GRIN2B: variants seen among roughly 807,000 people sequenced by gnomAD.
The protein encoded by GRIN2B is glutamate receptor ionotropic, NMDA 2B.
Under a neutral mutation model 114.5 loss-of-function variants are expected in GRIN2B, and 5 were observed. The ratio of observed to expected loss-of-function variants is 0.04; its 90% CI spans 0.02 to 0.09. GRIN2B has a LOEUF of 0.09. Ranked by LOEUF, GRIN2B falls within the 10% of genes least tolerant of loss-of-function variation. The pLI is 1.00. For synonymous variants in GRIN2B, 787 were observed against 745.1 expected, an observed-to-expected ratio of 1.06 and a Z score of -0.92; for missense variants, 1,108 against 1,943.5, an observed-to-expected ratio of 0.57 and a Z score of 8.08.
chr12:13,884,710 T>G (rs1866126264), intron 2 of GRIN2B, among the ~76,000 whole-genome samples: 1 of 152,192 alleles, frequency 6.6e-6, no homozygotes, highest in South Asian at 2.1e-4. Context: ...TTTTCAGCAT[T>G]AAATAGGATA....
chr12:13,643,283 T>TA (rs1050366247), intron 5 of GRIN2B, among the ~76,000 whole-genome samples: 44 of 152,254 alleles, frequency 2.9e-4, no homozygotes, highest in African/African-American at 9.4e-4. Flanking sequence ...AGTATTATGA[T>TA]AAAAAAGTCA....
chr12:13,684,932 A>G (rs557533946), intron 4 of GRIN2B, among the ~76,000 whole-genome samples: 1 of 152,276 alleles, frequency 6.6e-6, no homozygotes, highest in Admixed American at 6.5e-5. Context: ...TGGAAAAACT[A>G]TTCAGGGGCT....
In GRIN2B at chr12:13,640,823, G is replaced by A. The variant is rs528629823; in HGVS notation, c.1126-24166C>T. Among the ~76,000 whole-genome samples, 7 of 152,104 alleles carry A rather than the reference G, an allele frequency of 4.6e-5. No individual in the cohort carries two copies. In the South Asian group the frequency reaches 1.5e-3, roughly 32 times the overall value. On this transcript the variant is annotated intron_variant, in intron 5 of 13. Transcript: ENST00000609686. ...AGCCTAGGTCGAGTAGGTAAGGACA[G>A]CACTCATTACCTACCCAAGTAACCA...
chr12:13,637,861 C>A (rs1234017965), intron 5 of GRIN2B, among the ~76,000 whole-genome samples: 1 of 152,120 alleles, frequency 6.6e-6, no homozygotes, highest in Non-Finnish European at 1.5e-5. Context: ...AAGGCCCAGG[C>A]TTTACTTATT....
chr12:13,582,236 A>G (rs1250883147), intron 10 of GRIN2B, among the ~76,000 whole-genome samples: 2 of 152,226 alleles, frequency 1.3e-5, no homozygotes, highest in African/African-American at 4.8e-5. Context: ...AATGGAGGTA[A>G]GAGGAATAAA....
At chr12:13,676,415 T>C (rs1950074920) in intron 4 of GRIN2B, among the ~76,000 whole-genome samples, 1 of 152,124 alleles carries the variant, frequency 6.6e-6, no homozygotes, top group Non-Finnish European at 1.5e-5. Context: ...TTTGAGCAAA[T>C]TACTCAGCCT....
At chr12:13,718,802 G>A (rs912579013) in intron 4 of GRIN2B, among the ~76,000 whole-genome samples, 2 of 151,994 alleles carry the variant, frequency 1.3e-5, no homozygotes, top group African/African-American at 4.8e-5. Flanking sequence ...TAGTTTAAAA[G>A]GGGATATAAT....
chr12:13,891,859 C>G (rs1407186653), intron 2 of GRIN2B, among the ~76,000 whole-genome samples: 2 of 152,170 alleles, frequency 1.3e-5, no homozygotes, highest in African/African-American at 4.8e-5. Context: ...AGAAGCCAAT[C>G]AAATTCAAAA....
In GRIN2B at chr12:13,615,840, A is replaced by G. The variant is rs763005040; in HGVS notation, c.1329-176T>C. 3.9e-5 allele frequency among the ~76,000 whole-genome samples: 6 copies of G among 152,216 alleles called. No individual in the cohort carries two copies. Among genetic ancestry groups the G allele is most frequent in the South Asian group, 4.1e-4 (2 of 4,828 alleles). On this transcript the variant is annotated intron_variant, in intron 6 of 13. Coordinates refer to ENST00000609686, the MANE Select transcript of GRIN2B (RefSeq NM_000834.5). This position sits in a 1 kb window ranked among gnomAD's most constrained non-coding sequence, Gnocchi z 5.8. ...ATAAAGCAGGCAACAGACCTGCAATATTCTCATTATCTCGTCATATTGAGA... is the reference window on the plus strand; with the variant it reads ...ATAAAGCAGGCAACAGACCTGCAATGTTCTCATTATCTCGTCATATTGAGA...
At chr12:13,656,684 T>C (rs1163048425) in intron 5 of GRIN2B, among the ~76,000 whole-genome samples, 1 of 152,166 alleles carries the variant, frequency 6.6e-6, no homozygotes, top group Non-Finnish European at 1.5e-5. Flanking sequence ...TGGAACCAAG[T>C]GACTGAGCTG....
At chr12:13,780,298 A>T (rs1299483999) in intron 3 of GRIN2B, among the ~76,000 whole-genome samples, 1 of 152,122 alleles carries the variant, frequency 6.6e-6, no homozygotes, top group East Asian at 1.9e-4. Flanking sequence ...AAAAAAAAAA[A>T]GTCTCTTCAT....
chr12:13,924,707 A>T, intron 2 of GRIN2B, among the ~76,000 whole-genome samples: 1 of 152,166 alleles, frequency 6.6e-6, no homozygotes, highest in East Asian at 1.9e-4. Flanking sequence ...AAAAAGAGGA[A>T]TATCTGTATC....
intron 3 of GRIN2B, among the ~76,000 whole-genome samples, chr12:13,792,211 G>C (rs1864334299): frequency 6.6e-6 from 1 of 152,206 alleles, no homozygotes. Flanking sequence ...TTGAGTGCTT[G>C]GGCATGTCTA....
At chr12:13,920,686 C>G (rs1171500758) in intron 2 of GRIN2B, among the ~76,000 whole-genome samples, 1 of 152,166 alleles carries the variant, frequency 6.6e-6, no homozygotes. Context: ...TGGAAGACGT[C>G]ACTTTGATGT....
intron 5 of GRIN2B, among the ~76,000 whole-genome samples, chr12:13,672,471 C>G (rs149859817): frequency 3.9e-5 from 6 of 152,282 alleles, no homozygotes; most frequent in African/African-American, 1.4e-4. Flanking sequence ...CATTAGGCGT[C>G]TTGAGGATGA....
intron 4 of GRIN2B, among the ~76,000 whole-genome samples, chr12:13,748,065 C>G (rs745727035): frequency 5.3e-5 from 8 of 152,180 alleles, no homozygotes; most frequent in Non-Finnish European, 1.2e-4. Context: ...TTCAAAGTCA[C>G]TCTTCCCCAT....
chr12:13,541,122 G>A lies in GRIN2B; in HGVS notation c.*21661C>T, dbSNP rs1204603655. Reference sequence around the variant, plus strand: ...GGAGCACTGGCTCCTGTCACGTGGAGGAAAAGAGATTTCCCCTAGGGACAA... The same window carrying A: ...GGAGCACTGGCTCCTGTCACGTGGAAGAAAAGAGATTTCCCCTAGGGACAA... On this transcript the variant is annotated 3_prime_UTR_variant, in exon 14 of 14. Coordinates refer to ENST00000609686, the MANE Select transcript of GRIN2B (RefSeq NM_000834.5). 6.6e-6 allele frequency: 1 copy of A among 152,222 alleles called. No individual in the cohort carries two copies. Among genetic ancestry groups the A allele is most frequent in the East Asian group, 1.9e-4 (1 of 5,188 alleles). The allele number at this position is 152,222 out of a possible 1,614,324, so 9.4% of individuals were successfully genotyped here. A position where few individuals can be genotyped will look rare whatever the true frequency, so the allele number is the denominator to read the frequency against.
intron 4 of GRIN2B, among the ~76,000 whole-genome samples, chr12:13,741,530 AG>A (rs1863286634): frequency 1.3e-5 from 2 of 152,078 alleles, no homozygotes; most frequent in African/African-American, 4.8e-5. Flanking sequence ...TCTGGATCTC[AG>A]GGGGTTTGGG....
intron 10 of GRIN2B, among the ~76,000 whole-genome samples, chr12:13,600,544 A>C (rs1012776765): frequency 1.3e-5 from 2 of 151,926 alleles, no homozygotes; most frequent in African/African-American, 4.8e-5. Flanking sequence ...AAGGAGGATA[A>C]GGCTACAAGA....
Sources: gnomAD v4.1 joint callset for allele counts (sites outside exome capture counted in the v4.1 genomes callset) on GRCh38, gnomAD v4.1.1 for gene constraint, Gnocchi (gnomAD v3.1) non-coding constraint, MANE v1.5 for transcripts, NCBI Gene and HGNC (gene_info 2026-07-23, HGNC 2026-07-21) for gene names.